The following CAST variants were observed in gnomAD, a reference collection of about 807,000 sequenced individuals.
The protein encoded by CAST is calpastatin, also known as MIR583 host.
A neutral mutation model predicts 119.6 loss-of-function variants in CAST; 76 were observed. The observed-to-expected ratio is 0.64, with a 90% confidence interval of 0.53 to 0.77. The LOEUF is 0.77. CAST is among the 30% of genes least tolerant of loss of function. The pLI is 0.00. For synonymous variants in CAST, 319 were observed against 331.6 expected, an observed-to-expected ratio of 0.96 and a Z score of 0.41; for missense variants, 953 against 946.5, an observed-to-expected ratio of 1.01 and a Z score of -0.09.
At chr5:96,297,017 A>C in the CAST span, among the ~76,000 whole-genome samples, 2 of 149,028 alleles carry the variant, frequency 1.3e-5, no homozygotes, top group African/African-American at 4.9e-5. Flanking sequence ...TGTCAGTTAT[A>C]AAATCATAAG....
At chr5:96,359,636 TC>T in the CAST span, among the ~76,000 whole-genome samples, 4 of 152,234 alleles carry the variant, frequency 2.6e-5, no homozygotes, top group Non-Finnish European at 5.9e-5. Flanking sequence ...AAAATTCTTT[TC>T]TTTAAGAATG....
At chr5:96,003,979 C>T in the CAST span, among the ~76,000 whole-genome samples, 8 of 152,114 alleles carry the variant, frequency 5.3e-5, no homozygotes, top group Non-Finnish European at 7.4e-5. Flanking sequence ...GGACAGCTCC[C>T]GCTTTTAAAA....
chr5:96,373,105 A>G, the CAST span, among the ~76,000 whole-genome samples: 5 of 152,094 alleles, frequency 3.3e-5, no homozygotes, highest in Admixed American at 2.0e-4. Context: ...CTTTCTTTTC[A>G]TTTGACAGGC....
At chr5:96,357,107 T>G in the CAST span, among the ~76,000 whole-genome samples, 1 of 152,182 alleles carries the variant, frequency 6.6e-6, no homozygotes, top group Non-Finnish European at 1.5e-5. Flanking sequence ...TGAATGGGAG[T>G]TCACTCATGA....
chr5:96,622,679 AG>A (rs1456728971), intron 1 of CAST, among the ~76,000 whole-genome samples: 1 of 152,194 alleles, frequency 6.6e-6, no homozygotes, highest in African/African-American at 2.4e-5. Flanking sequence ...TATTAGCCAA[AG>A]GGTCTGATGT....
chr5:95,993,041 TAATC>T, the CAST span, among the ~76,000 whole-genome samples: 2 of 152,168 alleles, frequency 1.3e-5, no homozygotes, highest in South Asian at 2.1e-4. Context: ...ACAGCTATAA[TAATC>T]AAGACCATGT....
At chr5:96,433,290 A>C in the CAST span, 1 of 546,710 alleles carries the variant, frequency 1.8e-6, no homozygotes, top group African/African-American at 1.9e-5. Context: ...ATGAGTGTTT[A>C]CACGTCAAAT....
the CAST span, among the ~76,000 whole-genome samples, chr5:96,068,843 A>G: frequency 0.61 from 92,313 of 150,686 alleles, 28,441 homozygotes; most frequent in Non-Finnish European, 0.63. Flanking sequence ...ATGTATATAT[A>G]TACACACACC....
chr5:96,545,353 T>C (rs11135468), intron 1 of CAST: 93,519 of 152,032 alleles, frequency 0.62, 29,117 homozygotes, highest in East Asian at 0.86. Context: ...CATAGCCTCA[T>C]TGCTGGACTT....
rs560606025 is a variant in CAST at position 96,631,244 on chromosome 5, T to C, written c.61-44295T>C. On this transcript the variant is annotated intron_variant, in intron 1 of 11. Transcript: ENST00000505143. ...TCACCCCAAAAAGGACACTAGGACCTGTCAGCAATTAGTCCCAATTCACCT... is the reference window on the plus strand; with the variant it reads ...TCACCCCAAAAAGGACACTAGGACCCGTCAGCAATTAGTCCCAATTCACCT... Among the ~76,000 whole-genome samples the C allele has an allele frequency of 5.8e-4, 82 of 141,232 alleles. 13 individuals are homozygous for C. Among genetic ancestry groups the C allele is most frequent in the Non-Finnish European group, 1.1e-3 (71 of 62,730 alleles). 92.7% of individuals were successfully genotyped at this position (141,232 alleles called of 152,430 possible).
At chr5:96,197,002 A>G in the CAST span, among the ~76,000 whole-genome samples, 1 of 152,186 alleles carries the variant, frequency 6.6e-6, no homozygotes, top group Non-Finnish European at 1.5e-5. Flanking sequence ...GACATTCTCA[A>G]TTAAGAAGGC....
intron 1 of CAST, among the ~76,000 whole-genome samples, chr5:96,558,818 A>G (rs1476293400): frequency 1.3e-5 from 2 of 152,304 alleles, no homozygotes; most frequent in South Asian, 4.1e-4. Context: ...AACTATTCCA[A>G]TCAATAGAAA....
chr5:96,576,628 A>G (rs1746675988), intron 1 of CAST, among the ~76,000 whole-genome samples: 1 of 151,974 alleles, frequency 6.6e-6, no homozygotes, highest in Admixed American at 6.6e-5. Flanking sequence ...TACAGGTGTG[A>G]GCCACCGCAC....
chr5:96,555,326 A>C (rs892513970), intron 1 of CAST, among the ~76,000 whole-genome samples: 3 of 152,152 alleles, frequency 2.0e-5, no homozygotes, highest in Non-Finnish European at 4.4e-5. Flanking sequence ...TGATTTCTGC[A>C]TTTCCAACTG....
chr5:96,620,613 G>C (rs747009409), intron 1 of CAST, among the ~76,000 whole-genome samples: 1 of 152,070 alleles, frequency 6.6e-6, no homozygotes, highest in Non-Finnish European at 1.5e-5. Context: ...AGTAGGTTAG[G>C]TGTATTAAAT....
chr5:96,674,251 G>A (rs1750439904), intron 1 of CAST, among the ~76,000 whole-genome samples: 1 of 151,460 alleles, frequency 6.6e-6, no homozygotes, highest in Admixed American at 6.6e-5. Flanking sequence ...AAAACAACAT[G>A]AGCTTCTTTT....
chr5:96,328,904 T>C, the CAST span, among the ~76,000 whole-genome samples: 1 of 152,240 alleles, frequency 6.6e-6, no homozygotes, highest in African/African-American at 2.4e-5. Context: ...CTTAGCCCTA[T>C]GGCATTTATT....
chr5:96,662,279 G>T (rs1748615323), upstream of CAST: 1 of 1,029,026 alleles, frequency 9.7e-7, no homozygotes, highest in Non-Finnish European at 1.3e-6. Flanking sequence ...ACCTGGGGTG[G>T]GGTCGGAAAA....
At chr5:96,215,958 C>T in the CAST span, among the ~76,000 whole-genome samples, 1 of 152,054 alleles carries the variant, frequency 6.6e-6, no homozygotes, top group Non-Finnish European at 1.5e-5. Context: ...CAGGCACACG[C>T]CACCACACCC....
Sources: gnomAD v4.1 joint callset for allele counts (sites outside exome capture counted in the v4.1 genomes callset) on GRCh38, gnomAD v4.1.1 for gene constraint, MANE v1.5 for transcripts, NCBI Gene and HGNC (gene_info 2026-07-23, HGNC 2026-07-21) for gene names.